The following CCNYL1 variants were observed in gnomAD, a reference collection of about 807,000 sequenced individuals.
The protein encoded by CCNYL1 is cyclin-Y-like protein 1.
A neutral mutation model predicts 44.2 loss-of-function variants in CCNYL1; 16 were observed. That is an observed-to-expected ratio of 0.36 (90% CI 0.25 to 0.55). The LOEUF is 0.55. Ranked by LOEUF, CCNYL1 falls within the 20% of genes least tolerant of loss-of-function variation. The pLI, the probability that CCNYL1 is intolerant of heterozygous loss-of-function variation, is 0.85. For missense variants in CCNYL1, 348 were observed against 451.8 expected, an observed-to-expected ratio of 0.77 and a Z score of 2.08; for synonymous variants, 159 against 163.2, an observed-to-expected ratio of 0.97 and a Z score of 0.20.
chr2:207,753,956 A>G lies in CCNYL1; in HGVS notation c.*258A>G, dbSNP rs1411578229. ...ACTCCAAAGTGAAGGCTCCCATCCT[A>G]CACACAGATATTTGCTTACTGTGTG... is the stretch of plus-strand genomic sequence containing the variant. On this transcript the variant is annotated 3_prime_UTR_variant, in exon 10 of 10. Transcript: ENST00000295414. 1 of 349,606 alleles carries G rather than the reference A, an allele frequency of 2.9e-6. No homozygotes were observed. Among genetic ancestry groups the G allele is most frequent in the Non-Finnish European group, 5.2e-6 (1 of 192,776 alleles). 21.7% of individuals were successfully genotyped at this position (349,606 alleles called of 1,614,324 possible).
Position 207,753,644 on chromosome 2 carries a change from T to G in CCNYL1, c.1026T>G (p.Ser342=). 1 of 1,613,744 alleles carries G rather than the reference T, an allele frequency of 6.2e-7. No homozygotes were observed. Among genetic ancestry groups the G allele is most frequent in the Non-Finnish European group, 8.5e-7 (1 of 1,179,742 alleles). The change falls in exon 10 of 10, where the codon TCT becomes TCG. Residue 342 remains serine (S), a synonymous_variant. Coordinates refer to ENST00000295414, the MANE Select transcript of CCNYL1 (RefSeq NM_001330218.2). The part of the protein sequence containing the change: ...KDLCRAAMRR[S]FSADNFIGIQ... Reference sequence around the variant, plus strand: ...TGTGTAGAGCCGCTATGAGAAGGTCTTTCAGTGCTGATAACTTCATTGGTA... The same window carrying G: ...TGTGTAGAGCCGCTATGAGAAGGTCGTTCAGTGCTGATAACTTCATTGGTA...
rs1175550916 is a variant in CCNYL1, at chr2:207,729,254, CCCCCCGCCCCCACCCCACCCCCCCCA to C, written c.330+2384_330+2409del. On this transcript the variant is annotated intron_variant, in intron 3 of 9. Coordinates refer to ENST00000295414, the MANE Select transcript of CCNYL1 (RefSeq NM_001330218.2). The stretch of plus-strand genomic sequence containing the variant: ...CATTGATCTTTACTTGTCTCCGCCC[CCCCCCGCCCCCACCCCACCCCCCCCA>C]CCCCCCCGCACTCTCCCATTTTCTA... Among the ~76,000 whole-genome samples, 39 of 103,032 alleles carry C rather than the reference CCCCCCGCCCCCACCCCACCCCCCCCA, an allele frequency of 3.8e-4. 4 individuals carry two copies. The highest frequency in any genetic ancestry group is 1.5e-3 in the African/African-American group (30 of 19,488). 67.6% of individuals were successfully genotyped at this position (103,032 alleles called of 152,430 possible).
intron 1 of CCNYL1, among the ~76,000 whole-genome samples, chr2:207,717,799 A>G (rs187967552): frequency 1.3e-5 from 2 of 152,118 alleles, no homozygotes; most frequent in East Asian, 3.9e-4. Flanking sequence ...TGCCAGGACT[A>G]TGGTGGGTTA....
chr2:207,735,750 C>G (rs1202080848), intron 4 of CCNYL1, among the ~76,000 whole-genome samples: 1 of 151,958 alleles, frequency 6.6e-6, no homozygotes, highest in Non-Finnish European at 1.5e-5. Context: ...ACCTGTAATC[C>G]CAGCTACTTG....
intron 1 of CCNYL1, among the ~76,000 whole-genome samples, chr2:207,713,157 TA>T (rs2105814242): frequency 1.3e-5 from 2 of 152,288 alleles, no homozygotes; most frequent in East Asian, 3.9e-4. Flanking sequence ...CTGATTACTT[TA>T]AAATTCCCAC....
chr2:207,751,063 A>G lies in CCNYL1; in HGVS notation c.913A>G (p.Asn305Asp). The G allele has an allele frequency of 6.2e-7, 1 of 1,614,180 alleles. No individual in the cohort carries two copies. The highest frequency in any genetic ancestry group is 8.5e-7 in the Non-Finnish European group (1 of 1,180,012). Residue 305 changes from asparagine (N) to aspartate (D), a missense_variant, in exon 9 of 10, where the codon AAC (asparagine) becomes GAC (aspartate). Transcript: ENST00000295414. ...TGACCTTCGCTCCTTAGCAGATGAC[A>G]ACAACCTGAATTTTCTATTTGCTCC... is the stretch of plus-strand genomic sequence containing the variant. The part of the protein sequence containing the change: ...YFDLRSLADD[N>D]NLNFLFAPLS...
At chr2:207,745,271 GC>G (rs2091846519) in intron 7 of CCNYL1, among the ~76,000 whole-genome samples, 1 of 152,212 alleles carries the variant, frequency 6.6e-6, no homozygotes, top group Non-Finnish European at 1.5e-5. Flanking sequence ...AGACGCAGTT[GC>G]GGGGACAGTG....
chr2:207,752,628 T>G (rs2091902042), intron 9 of CCNYL1, among the ~76,000 whole-genome samples: 1 of 152,206 alleles, frequency 6.6e-6, no homozygotes, highest in Non-Finnish European at 1.5e-5. Flanking sequence ...TTATGACTCT[T>G]GGTGAGTATA....
intron 3 of CCNYL1, among the ~76,000 whole-genome samples, chr2:207,732,853 G>T (rs1312222470): frequency 2.0e-5 from 3 of 152,214 alleles, no homozygotes; most frequent in East Asian, 3.8e-4. Context: ...CTGCTAATTT[G>T]TGTGTAGTAG....
chr2:207,752,369 C>T (rs981841795), intron 9 of CCNYL1, among the ~76,000 whole-genome samples: 1 of 151,822 alleles, frequency 6.6e-6, no homozygotes, highest in African/African-American at 2.4e-5. Context: ...CAGAGAAACC[C>T]GGTCTCTACT....
At chr2:207,716,697 A>G (rs1462954453) in intron 1 of CCNYL1, among the ~76,000 whole-genome samples, 3 of 152,182 alleles carry the variant, frequency 2.0e-5, no homozygotes, top group African/African-American at 7.2e-5. Context: ...GTCTCATTAC[A>G]TTTGATTTCA....
At position 207,756,024 on chromosome 2, in the gene CCNYL1, C is replaced by A. The variant is rs2091929428; in HGVS notation, c.*2326C>A. 1 of 152,018 alleles carries A rather than the reference C, an allele frequency of 6.6e-6. No homozygotes were observed. 9.4% of individuals were successfully genotyped at this position (152,018 alleles called of 1,614,324 possible). A position where few individuals can be genotyped will look rare whatever the true frequency, so the allele number is the denominator to read the frequency against. ...ATGGTATACAAATATTACAATCTACCACCTCAAAAAAACAAATATTGTTTA... is the reference window on the plus strand; with the variant it reads ...ATGGTATACAAATATTACAATCTACAACCTCAAAAAAACAAATATTGTTTA... On this transcript the variant is annotated 3_prime_UTR_variant, in exon 10 of 10. Coordinates refer to ENST00000295414, the MANE Select transcript of CCNYL1 (RefSeq NM_001330218.2).
At chr2:207,728,005 C>G (rs999628784) in intron 3 of CCNYL1, among the ~76,000 whole-genome samples, 9 of 151,636 alleles carry the variant, frequency 5.9e-5, no homozygotes, top group African/African-American at 2.2e-4. Context: ...CTCTTGTCCC[C>G]CAGGCTGGAG....
chr2:207,714,312 C>CT (rs60004559), intron 1 of CCNYL1: 15,151 of 306,718 alleles, frequency 0.049, 133 homozygotes, highest in Middle Eastern at 0.065. Context: ...ACTTACATCT[C>CT]TTTTTTTTTT....
intron 7 of CCNYL1, among the ~76,000 whole-genome samples, chr2:207,745,458 C>T (rs1305909711): frequency 2.0e-5 from 3 of 152,144 alleles, no homozygotes; most frequent in African/African-American, 7.2e-5. Context: ...TCCCTGTGGT[C>T]TAATTATTCC....
intron 3 of CCNYL1, among the ~76,000 whole-genome samples, chr2:207,729,146 T>A (rs546483065): frequency 6.6e-6 from 1 of 152,000 alleles, no homozygotes; most frequent in Non-Finnish European, 1.5e-5. Flanking sequence ...CTATGTCTTC[T>A]AGAGAATTTT....
At chr2:207,720,187 C>CAAAAAA (rs747214958) in intron 1 of CCNYL1, among the ~76,000 whole-genome samples, 4 of 57,882 alleles carry the variant, frequency 6.9e-5, no homozygotes, top group African/African-American at 6.9e-5. Context: ...GACTCCGTCT[C>CAAAAAA]AAAAAAAAAA....
At chr2:207,731,349 T>G (rs1479560066) in intron 3 of CCNYL1, among the ~76,000 whole-genome samples, 1 of 152,184 alleles carries the variant, frequency 6.6e-6, no homozygotes, top group Non-Finnish European at 1.5e-5. Flanking sequence ...ATGATTATTT[T>G]CTATCTTTGC....
At chr2:207,739,539 A>G (rs1459506631) in intron 5 of CCNYL1, among the ~76,000 whole-genome samples, 2 of 152,088 alleles carry the variant, frequency 1.3e-5, no homozygotes, top group African/African-American at 2.4e-5. Flanking sequence ...CACTTCTTTC[A>G]TTTTTGAGAA....
Sources: gnomAD v4.1 joint callset for allele counts (sites outside exome capture counted in the v4.1 genomes callset) on GRCh38, gnomAD v4.1.1 for gene constraint, MANE v1.5 for transcripts, NCBI Gene and HGNC (gene_info 2026-07-23, HGNC 2026-07-21) for gene names.